The following LTBP1 variants were observed in gnomAD, a reference collection of about 807,000 sequenced individuals.
LTBP1 encodes latent-transforming growth factor beta-binding protein 1.
LTBP1 carries 129 observed loss-of-function variants against 207.6 expected under a neutral mutation model. The ratio of observed to expected loss-of-function variants is 0.62; its 90% confidence interval spans 0.54 to 0.72. The LOEUF (loss-of-function observed/expected upper bound fraction) is 0.72. Among genes scored for constraint, LTBP1 ranks in the 30% least tolerant of loss-of-function variants. The pLI is 0.00. For synonymous variants in LTBP1, 963 were observed against 833.7 expected (o/e 1.16, Z -2.67); for missense variants, 2,281 against 2,217.2 (o/e 1.03, Z -0.58).
At chr2:33,393,033 AT>A (rs113729924) in intron 32 of LTBP1, among the ~76,000 whole-genome samples, 16 of 148,978 alleles carry the variant, frequency 1.1e-4, no homozygotes, top group African/African-American at 2.2e-4. Context: ...GTATTACTCA[AT>A]TTTTTTTTTA....
intron 22 of LTBP1, among the ~76,000 whole-genome samples, chr2:33,303,261 G>A (rs998332837): frequency 2.0e-5 from 3 of 151,996 alleles, no homozygotes; most frequent in African/African-American, 4.8e-5. Context: ...GACCAGTTTC[G>A]TGGAAGCCAG....
chr2:33,223,029 C>T (rs1328392794), intron 9 of LTBP1, among the ~76,000 whole-genome samples: 1 of 152,164 alleles, frequency 6.6e-6, no homozygotes, highest in Non-Finnish European at 1.5e-5. Flanking sequence ...GAACATGGCA[C>T]ATGTCTTCTG....
At chr2:33,345,166 T>TC (rs1373482685) in intron 25 of LTBP1, among the ~76,000 whole-genome samples, 3 of 152,346 alleles carry the variant, frequency 2.0e-5, no homozygotes, top group Admixed American at 2.0e-4. Flanking sequence ...CACCTACTCA[T>TC]CCTTCAGCTA....
chr2:33,294,688 C>T (rs1211741490), intron 20 of LTBP1, among the ~76,000 whole-genome samples: 1 of 150,738 alleles, frequency 6.6e-6, no homozygotes, highest in Non-Finnish European at 1.5e-5. Context: ...AAGCGATTCT[C>T]CTGCCTCAGC....
chr2:33,122,085 G>A (rs1572729928), intron 4 of LTBP1, among the ~76,000 whole-genome samples: 1 of 150,784 alleles, frequency 6.6e-6, no homozygotes, highest in East Asian at 2.0e-4. Flanking sequence ...TGGATTTTGC[G>A]TGTCCCCTTG....
intron 3 of LTBP1, among the ~76,000 whole-genome samples, chr2:33,068,311 C>G (rs562281711): frequency 1.3e-5 from 2 of 151,864 alleles, no homozygotes; most frequent in South Asian, 4.2e-4. Context: ...AGATTCACAG[C>G]CAAAATGAAG....
At chr2:32,987,409 G>A (rs12468402) in intron 2 of LTBP1, among the ~76,000 whole-genome samples, 7,791 of 152,110 alleles carry the variant, frequency 0.051, 514 homozygotes, top group East Asian at 0.28. Context: ...TGCATCAGCT[G>A]GGCCAGCCTT....
chr2:33,394,993 C>G (rs1430129657), intron 32 of LTBP1, among the ~76,000 whole-genome samples: 1 of 152,138 alleles, frequency 6.6e-6, no homozygotes, highest in Non-Finnish European at 1.5e-5. Context: ...CTGCAAAAGA[C>G]ATTATCTCAT....
At chr2:33,261,176 C>T (rs1434630449) in intron 13 of LTBP1, among the ~76,000 whole-genome samples, 1 of 152,158 alleles carries the variant, frequency 6.6e-6, no homozygotes, top group Non-Finnish European at 1.5e-5. Flanking sequence ...CCCTGCTTCT[C>T]GACTGGACCG....
At chr2:32,963,355 C>A (rs377368574) in intron 2 of LTBP1, among the ~76,000 whole-genome samples, 28 of 148,496 alleles carry the variant, frequency 1.9e-4, no homozygotes, top group African/African-American at 6.2e-4. Flanking sequence ...CAGATGCATG[C>A]CACCATGCCC....
At chr2:32,972,214 G>A (rs1680999808) in intron 2 of LTBP1, among the ~76,000 whole-genome samples, 1 of 148,134 alleles carries the variant, frequency 6.8e-6, no homozygotes, top group South Asian at 2.2e-4. Context: ...TCTAGCAGTG[G>A]CCTATCAATC....
chr2:33,399,093 A>T lies in LTBP1; in HGVS notation c.*548A>T, dbSNP rs947632041. 6.6e-6 allele frequency: 1 copy of T among 152,660 alleles called. No homozygotes were observed. The highest frequency in any genetic ancestry group is 1.5e-5 in the Non-Finnish European group (1 of 68,044). The allele number at this position is 152,660 out of a possible 1,614,324, so 9.5% of individuals were successfully genotyped here. On this transcript the variant is annotated 3_prime_UTR_variant, in exon 34 of 34. Transcript: ENST00000404816. ...ATTCAAATTGTCTGTCCTGTGGAGC[A>T]GGCAGTGATTTTGTTCCAAAACTTT...
At position 33,365,408 on chromosome 2, in the gene LTBP1, C is replaced by T. The variant is rs140123646; in HGVS notation, c.4616C>T (p.Pro1539Leu). ...HLSDEYVCSR[P>L]LVGKQTTYTE... Reference sequence around the variant, plus strand: ...AGTGATGAATACGTGTGTAGCCGGCCTCTTGTGGGCAAGCAGACAACGTAC... The same window carrying T: ...AGTGATGAATACGTGTGTAGCCGGCTTCTTGTGGGCAAGCAGACAACGTAC... Residue 1539 changes from proline to leucine, a missense_variant, in exon 31 of 34, where the codon CCT (proline) becomes CTT (leucine). Pro to Leu is a moderately conservative substitution (Grantham distance 98, BLOSUM62 -3). Coordinates refer to ENST00000404816, the MANE Select transcript of LTBP1 (RefSeq NM_206943.4). 6.2e-7 allele frequency: 1 copy of T among 1,614,178 alleles called. No individual in the cohort carries two copies. Among genetic ancestry groups the T allele is most frequent in the Non-Finnish European group, 8.5e-7 (1 of 1,180,044 alleles).
intron 3 of LTBP1, among the ~76,000 whole-genome samples, chr2:33,099,454 C>T (rs975725575): frequency 7.9e-5 from 12 of 151,184 alleles, no homozygotes; most frequent in Non-Finnish European, 1.2e-4. Context: ...AAAATTTTCC[C>T]GTATGAAATA....
chr2:33,217,457 A>C, intron 7 of LTBP1, 95 bp from the exon 8 acceptor site: 1 of 690,900 alleles, frequency 1.4e-6, no homozygotes, highest in Non-Finnish European at 2.6e-6. Flanking sequence ...TAACAAGGGA[A>C]CTGGTTTATA....
At chr2:33,341,007 G>T (rs1172875545) in intron 24 of LTBP1, among the ~76,000 whole-genome samples, 2 of 152,096 alleles carry the variant, frequency 1.3e-5, no homozygotes, top group African/African-American at 4.8e-5. Context: ...AGCATTTGTT[G>T]TCTGATTTCA....
chr2:33,302,979 AC>A (rs1264210645), intron 22 of LTBP1, among the ~76,000 whole-genome samples: 4 of 150,428 alleles, frequency 2.7e-5, no homozygotes, highest in Non-Finnish European at 5.9e-5. Context: ...ACACACACAC[AC>A]ACACAAACAC....
At chr2:33,173,421 C>T (rs1347376182) in intron 5 of LTBP1, among the ~76,000 whole-genome samples, 2 of 152,166 alleles carry the variant, frequency 1.3e-5, no homozygotes, top group Non-Finnish European at 2.9e-5. Flanking sequence ...TGGATAAATT[C>T]CTTGACACAT....
At chr2:33,120,036 G>C (rs113131967) in intron 4 of LTBP1, among the ~76,000 whole-genome samples, 151 of 151,720 alleles carry the variant, frequency 1.0e-3, no homozygotes, top group African/African-American at 3.4e-3. Context: ...TACATGACTG[G>C]AGAACAACTT....
Sources: allele counts gnomAD v4.1 joint callset (sites outside exome capture counted in the v4.1 genomes callset), GRCh38; gene constraint gnomAD v4.1.1; transcripts MANE v1.5; gene names NCBI Gene and HGNC (gene_info 2026-07-23, HGNC 2026-07-21).